Variants in MSN observed in about 807,000 individuals in gnomAD.
The protein encoded by MSN is moesin.
In MSN, 2 loss-of-function variants were observed where a neutral mutation model predicts 48.0. The observed-to-expected ratio is 0.04, with a 90% CI of 0.02 to 0.13. The LOEUF is 0.13. Ranked by LOEUF, MSN falls within the 10% of genes least tolerant of loss-of-function variation. The pLI, the probability that MSN is intolerant of heterozygous loss-of-function variation, is 1.00. For missense variants in MSN, 267 were observed against 470.1 expected (o/e 0.57, Z 3.99); for synonymous variants, 146 against 166.9 (o/e 0.87, Z 0.97).
chrX:65,618,889 G>T (rs1315316118), intron 1 of MSN, among the ~76,000 whole-genome samples: 1 of 104,727 alleles, frequency 9.5e-6, no homozygotes, highest in South Asian at 4.1e-4. Context: ...AGGAGCTCTT[G>T]TAAGGCAGGC....
intron 1 of MSN, among the ~76,000 whole-genome samples, chrX:65,660,922 C>T (rs956078486): frequency 9.0e-6 from 1 of 111,474 alleles, no homozygotes; most frequent in Non-Finnish European, 1.9e-5. Flanking sequence ...TTCAGTATGA[C>T]GTTGGCTGTG....
chrX:65,626,989 G>A (rs954180894), intron 1 of MSN, among the ~76,000 whole-genome samples: 1 of 111,559 alleles, frequency 9.0e-6, no homozygotes, highest in Non-Finnish European at 1.9e-5. Flanking sequence ...TGGAGGAGAT[G>A]GGACAAGGAC....
intron 1 of MSN, among the ~76,000 whole-genome samples, chrX:65,643,445 AGTACTCT>A (rs2070672903): frequency 9.0e-6 from 1 of 110,532 alleles, no homozygotes; most frequent in African/African-American, 3.3e-5. Flanking sequence ...CAAGGGCCCA[AGTACTCT>A]GTGGTTAAAT....
intron 1 of MSN, among the ~76,000 whole-genome samples, chrX:65,709,098 T>C (rs908957388): frequency 2.1e-4 from 24 of 112,544 alleles, no homozygotes; most frequent in African/African-American, 7.8e-4. Context: ...GCTATTGTGA[T>C]GTAGTGATGC....
chrX:65,617,513 C>T (rs367704916), intron 1 of MSN, among the ~76,000 whole-genome samples: 4 of 106,271 alleles, frequency 3.8e-5, no homozygotes, highest in Admixed American at 9.8e-5. Context: ...TGTAGTATTC[C>T]CTGATGGTAG....
chrX:65,659,888 A>G (rs1374548602), intron 1 of MSN, among the ~76,000 whole-genome samples: 1 of 110,930 alleles, frequency 9.0e-6, no homozygotes, highest in Admixed American at 9.7e-5. Context: ...ACCTCATCAG[A>G]TCTAAACCTA....
intron 1 of MSN, among the ~76,000 whole-genome samples, chrX:65,706,856 A>G (rs2071366904): frequency 1.8e-5 from 2 of 111,696 alleles, no homozygotes; most frequent in East Asian, 2.8e-4. Context: ...TTTCTCATCT[A>G]TGAAGTGGGG....
chrX:65,620,483 C>T (rs1017716459), intron 1 of MSN, among the ~76,000 whole-genome samples: 13 of 113,811 alleles, frequency 1.1e-4, no homozygotes, highest in Admixed American at 9.2e-4. Context: ...AGGTGCCGTC[C>T]GTCACCCCTT....
intron 6 of MSN, 98 bp from the exon 7 acceptor site, chrX:65,733,086 C>A: frequency 3.6e-6 from 2 of 547,991 alleles, no homozygotes; most frequent in South Asian, 3.3e-5. Flanking sequence ...GAGAGAGAGA[C>A]ATAGAAGCTT....
chrX:65,731,729 A>G (rs1183655551), intron 5 of MSN, 109 bp from the exon 6 acceptor site: 14 of 934,870 alleles, frequency 1.5e-5, no homozygotes, highest in Non-Finnish European at 2.0e-5. Context: ...CCCCTTTCCC[A>G]CTCCTGATAG....
At chrX:65,684,183 C>A (rs2071087733) in intron 1 of MSN, among the ~76,000 whole-genome samples, 1 of 111,248 alleles carries the variant, frequency 9.0e-6, no homozygotes, top group African/African-American at 3.3e-5. Context: ...CTCAGGTGAT[C>A]CACCTGCCTC....
intron 1 of MSN, among the ~76,000 whole-genome samples, chrX:65,632,626 C>T (rs1237965841): frequency 3.6e-5 from 4 of 111,763 alleles, no homozygotes; most frequent in South Asian, 7.4e-4. Flanking sequence ...TTGGTGTTGT[C>T]GCTGTTTTTT....
upstream of MSN, among the ~76,000 whole-genome samples, chrX:65,662,957 T>C (rs192761375): frequency 4.6e-4 from 51 of 111,831 alleles, 1 homozygote; most frequent in East Asian, 0.014. Context: ...TAAATAACCC[T>C]ATTAAAAAAT....
intron 1 of MSN, among the ~76,000 whole-genome samples, chrX:65,675,222 C>T (rs1295907922): frequency 2.7e-5 from 3 of 112,042 alleles, no homozygotes; most frequent in Non-Finnish European, 5.6e-5. Context: ...CTTCAAAGAT[C>T]TCCTATCTCC....
intron 1 of MSN, among the ~76,000 whole-genome samples, chrX:65,612,316 T>A (rs1420543777): frequency 1.8e-5 from 2 of 111,235 alleles, no homozygotes; most frequent in African/African-American, 6.5e-5. Flanking sequence ...AGATGCTAGC[T>A]CCTTAATCTT....
chrX:65,616,199 G>A (rs1351671661), intron 1 of MSN, among the ~76,000 whole-genome samples: 1 of 110,424 alleles, frequency 9.1e-6, no homozygotes, highest in Non-Finnish European at 1.9e-5. Flanking sequence ...GCTCTTTTTT[G>A]GTTCCATATG....
rs1037659389 is a variant in MSN at position 65,601,898 on chromosome X, A to G, written c.-22+13286A>G. 6.2e-5 allele frequency among the ~76,000 whole-genome samples: 7 copies of G among 112,172 alleles called. No homozygotes were observed. The Admixed American group carries it at 6.6e-4, about 11-fold the overall frequency. On this transcript the variant is annotated intron_variant, in intron 1 of 3. Coordinates refer to the MSN transcript ENST00000609672. ...GGGAAAGTGGAAAGGAGGCCCAAGA[A>G]GAAAGAGCCTCCTTCCCAGCCCAGA...
At chrX:65,595,070 C>T (rs2070176452) in intron 1 of MSN, among the ~76,000 whole-genome samples, 1 of 111,735 alleles carries the variant, frequency 8.9e-6, no homozygotes, top group Non-Finnish European at 1.9e-5. Context: ...TCCCTGAATA[C>T]CAAGCACTCC....
chrX:65,667,237 AAGG>A (rs2070880165), upstream of MSN, among the ~76,000 whole-genome samples: 1 of 111,828 alleles, frequency 8.9e-6, no homozygotes, highest in South Asian at 3.7e-4. Context: ...CCATAGAGAA[AAGG>A]AGTTCAGACA....
Sources: gnomAD v4.1 joint callset for allele counts (sites outside exome capture counted in the v4.1 genomes callset) on GRCh38, gnomAD v4.1.1 for gene constraint, MANE v1.5 for transcripts, NCBI Gene and HGNC (gene_info 2026-07-23, HGNC 2026-07-21) for gene names.